The following EIF2AK4 variants were observed in gnomAD, a reference collection of about 807,000 sequenced individuals.
EIF2AK4 encodes the protein eIF-2-alpha kinase GCN2.
Under a neutral mutation model 211.1 loss-of-function variants are expected in EIF2AK4, and 139 were observed. That is an observed-to-expected ratio of 0.66 (90% confidence interval 0.57 to 0.76). The LOEUF (loss-of-function observed/expected upper bound fraction) is 0.76, where lower values mean the gene tolerates loss of function less well. EIF2AK4 is among the 30% of genes least tolerant of loss of function. The pLI is 0.00. For synonymous variants in EIF2AK4, 710 were observed against 751.3 expected, an observed-to-expected ratio of 0.94 and a Z score of 0.90; for missense variants, 1,664 against 2,043.8, an observed-to-expected ratio of 0.81 and a Z score of 3.58.
chr15:40,032,909 G>A (rs1048078090), intron 37 of EIF2AK4, 108 bp downstream of exon 37: 5 of 858,086 alleles, frequency 5.8e-6, no homozygotes, highest in Non-Finnish European at 8.7e-6. Context: ...TATTTTTCTG[G>A]CAGCTGCAGG....
chr15:39,989,902 G>T (rs755158120), intron 15 of EIF2AK4, among the ~76,000 whole-genome samples: 4 of 152,218 alleles, frequency 2.6e-5, no homozygotes, highest in Non-Finnish European at 5.9e-5. Flanking sequence ...AGTATCCTAC[G>T]AAGGGGAGAG....
chr15:39,969,315 C>T (rs1454535638), intron 9 of EIF2AK4, among the ~76,000 whole-genome samples: 1 of 149,632 alleles, frequency 6.7e-6, no homozygotes, highest in Non-Finnish European at 1.5e-5. Flanking sequence ...TAGCTGTATG[C>T]TCTGTCAGTT....
chr15:39,965,681 T>C lies in EIF2AK4; in HGVS notation c.860-5T>C. On this transcript the variant is annotated splice_region_variant and splice_polypyrimidine_tract_variant and intron_variant, in intron 7 of 38. Transcript: ENST00000263791. Reference sequence around the variant, plus strand: ...ATTTAATTACACTTTCTGTTTAATGTGCAGGCAGTGATGAACAACTTGGAA... The same window carrying C: ...ATTTAATTACACTTTCTGTTTAATGCGCAGGCAGTGATGAACAACTTGGAA... 4.3e-6 allele frequency: 7 copies of C among 1,613,838 alleles called. No individual in the cohort carries two copies. The highest frequency in any genetic ancestry group is 1.1e-5 in the South Asian group (1 of 91,038).
intron 1 of EIF2AK4, among the ~76,000 whole-genome samples, chr15:39,936,943 AT>A (rs1048360654): frequency 5.3e-5 from 8 of 151,624 alleles, no homozygotes; most frequent in Admixed American, 2.6e-4. Context: ...TTCAGGTTAG[AT>A]TTTTTTTTCA....
chr15:39,952,737 C>G (rs1246962159), intron 4 of EIF2AK4, among the ~76,000 whole-genome samples: 1 of 152,074 alleles, frequency 6.6e-6, no homozygotes. Context: ...TTATCCTGTG[C>G]TTACATTAAC....
intron 6 of EIF2AK4, among the ~76,000 whole-genome samples, chr15:39,956,536 A>AG (rs1195366689): frequency 6.6e-6 from 1 of 152,222 alleles, no homozygotes; most frequent in East Asian, 1.9e-4. Flanking sequence ...GTTGGCTGCC[A>AG]GGGGTCCCCT....
intron 26 of EIF2AK4, among the ~76,000 whole-genome samples, chr15:40,010,466 G>C (rs187563504): frequency 1.3e-5 from 2 of 152,116 alleles, no homozygotes; most frequent in African/African-American, 4.8e-5. Flanking sequence ...GTATATGTGC[G>C]GGTACAGAGA....
At chr15:40,024,027 T>G (rs1595436113) in intron 32 of EIF2AK4, among the ~76,000 whole-genome samples, 1 of 152,302 alleles carries the variant, frequency 6.6e-6, no homozygotes, top group East Asian at 1.9e-4. Flanking sequence ...CTTAAAACAT[T>G]TCCTATCTGG....
intron 35 of EIF2AK4, among the ~76,000 whole-genome samples, chr15:40,031,418 TC>T (rs1165589425): frequency 2.6e-5 from 4 of 152,300 alleles, no homozygotes; most frequent in African/African-American, 9.6e-5. Context: ...TAGCTGTTTC[TC>T]AGGATTTGGG....
chr15:39,989,466 G>A (rs7182245), intron 15 of EIF2AK4, among the ~76,000 whole-genome samples: 2,019 of 152,296 alleles, frequency 0.013, 51 homozygotes, highest in African/African-American at 0.046. Flanking sequence ...CATTTAAGCT[G>A]TATTACTGTG....
intron 3 of EIF2AK4, among the ~76,000 whole-genome samples, chr15:39,946,069 A>C (rs1486016776): frequency 6.6e-6 from 1 of 152,238 alleles, no homozygotes; most frequent in East Asian, 1.9e-4. Flanking sequence ...CTCTTAACAC[A>C]ACATCCATTC....
chr15:40,015,906 A>G (rs773220317), intron 27 of EIF2AK4, among the ~76,000 whole-genome samples: 144 of 152,330 alleles, frequency 9.5e-4, no homozygotes, highest in Non-Finnish European at 1.9e-3. Flanking sequence ...TGTGAGATCA[A>G]TCATCTCTAG....
intron 15 of EIF2AK4, 48 bp downstream of exon 15, chr15:39,988,153 T>G: frequency 6.3e-7 from 1 of 1,596,160 alleles, no homozygotes; most frequent in South Asian, 1.1e-5. Flanking sequence ...TTACATAAAT[T>G]TATGACTGCA....
intron 38 of EIF2AK4, 87 bp downstream of exon 38, chr15:40,034,531 T>G: frequency 9.4e-7 from 1 of 1,067,682 alleles, no homozygotes; most frequent in East Asian, 2.4e-5. Context: ...GTTGTCTTGT[T>G]GAGGTTTGAC....
chr15:39,984,234 A>G (rs2034833742), intron 13 of EIF2AK4, among the ~76,000 whole-genome samples: 2 of 152,208 alleles, frequency 1.3e-5, no homozygotes, highest in Admixed American at 1.3e-4. Context: ...TACCAGTACC[A>G]AGCTGTTTTG....
At chr15:39,953,872 T>C (rs780743440) in intron 4 of EIF2AK4, 32 bp from the exon 5 acceptor site, 196 of 1,601,398 alleles carry the variant, frequency 1.2e-4, no homozygotes, top group Middle Eastern at 1.7e-4. Context: ...GTTTCAGAGA[T>C]TGGCATTTGA....
chr15:39,993,060 CCATCCATCCATCCATT>C (rs1359635529), intron 18 of EIF2AK4, among the ~76,000 whole-genome samples: 186 of 92,546 alleles, frequency 2.0e-3, no homozygotes, highest in Non-Finnish European at 4.2e-3. Flanking sequence ...ATCCATCCAT[CCATCCATCCATCCATT>C]CATCCATCCA....
rs200979426 is a variant in EIF2AK4 at position 39,976,590 on chromosome 15, G to C, written c.1995G>C (p.Pro665=). 2.5e-6 allele frequency: 4 copies of C among 1,609,714 alleles called. No individual in the cohort carries two copies. The highest frequency in any genetic ancestry group is 1.3e-5 in the African/African-American group (1 of 74,758). The change falls in exon 12 of 39, where the codon CCG becomes CCC. Residue 665 remains proline, a synonymous_variant. Transcript: ENST00000263791. The part of the protein sequence containing the change: ...WIERHERPAG[P]GTPPPDSGPL... ...AGCGGCACGAGCGGCCGGCGGGACC[G>C]GGGACGCCGCCCCCGGACTCCGGGC...
intron 27 of EIF2AK4, among the ~76,000 whole-genome samples, chr15:40,012,418 A>G (rs529429596): frequency 2.6e-4 from 40 of 152,334 alleles, no homozygotes; most frequent in African/African-American, 8.9e-4. Flanking sequence ...AATCTTAAAT[A>G]TTTAATATTG....
Sources: gnomAD v4.1 joint callset for allele counts (sites outside exome capture counted in the v4.1 genomes callset) on GRCh38, gnomAD v4.1.1 for gene constraint, MANE v1.5 for transcripts, NCBI Gene and HGNC (gene_info 2026-07-23, HGNC 2026-07-21) for gene names.